The following NFASC variants were observed in gnomAD, a reference collection of about 807,000 sequenced individuals.
The protein encoded by NFASC is neurofascin.
A neutral mutation model predicts 147.5 loss-of-function variants in NFASC; 43 were observed. The ratio of observed to expected loss-of-function variants is 0.29; its 90% CI spans 0.23 to 0.38. The LOEUF (loss-of-function observed/expected upper bound fraction) is 0.38. Ranked by LOEUF, NFASC falls within the 10% of genes least tolerant of loss-of-function variation. NFASC has a pLI of 1.00. For synonymous variants in NFASC, 622 were observed against 665.5 expected (o/e 0.93, Z 1.01); for missense variants, 1,320 against 1,689.0 (o/e 0.78, Z 3.83).
rs192458240 is a variant in NFASC at position 204,907,015 on chromosome 1, G to A, written c.-199-13617G>A. On this transcript the variant is annotated intron_variant, in intron 1 of 29. Transcript: ENST00000339876. ...ATCCCAGGTCATATGGCAACTGTAT[G>A]TGTAACTTTTGAAGAAACTGCCAAA... Among the ~76,000 whole-genome samples the A allele has an allele frequency of 2.9e-3, 447 of 152,298 alleles. 11 individuals are homozygous for A. The highest frequency in any genetic ancestry group is 9.7e-3 in the South Asian group (47 of 4,822).
At chr1:204,976,433 G>C (rs539662795) in intron 15 of NFASC, among the ~76,000 whole-genome samples, 119 of 152,192 alleles carry the variant, frequency 7.8e-4, no homozygotes, top group Non-Finnish European at 1.4e-3. Context: ...GGTGGCAAAC[G>C]TGCTTCACAG....
chr1:205,017,034 A>T lies in NFASC; in HGVS notation c.*495A>T. On this transcript the variant is annotated 3_prime_UTR_variant, in exon 30 of 30. Coordinates refer to ENST00000339876, the MANE Select transcript of NFASC (RefSeq NM_001005388.3). ...AATCCTTTTTGCAAAGATAGGCAAA[A>T]AGGATTGAATCCATACCAGAACACG... 1 of 271,470 alleles carries T rather than the reference A, an allele frequency of 3.7e-6. No individual in the cohort carries two copies. Among genetic ancestry groups the T allele is most frequent in the East Asian group, 8.7e-5 (1 of 11,524 alleles). The allele number at this position is 271,470 out of a possible 1,614,324, so 16.8% of individuals were successfully genotyped here. A position where few individuals can be genotyped will look rare whatever the true frequency, so the allele number is the denominator to read the frequency against.
chr1:204,920,446 T>TC (rs2090212558), intron 1 of NFASC, among the ~76,000 whole-genome samples, 186 bp from the exon 2 acceptor site: 1 of 140,390 alleles, frequency 7.1e-6, no homozygotes, highest in South Asian at 2.3e-4. Context: ...TTTTTTTTTT[T>TC]TCTTCCAGAG....
intron 25 of NFASC, chr1:205,000,728 G>GTATCATTAAAA: frequency 5.3e-6 from 1 of 189,924 alleles, no homozygotes; most frequent in Non-Finnish European, 1.1e-5. Flanking sequence ...TTGGGAGGCT[G>GTATCATTAAAA]AGGCAGGAGA....
At position 204,968,107 on chromosome 1, in the gene NFASC, A is replaced by T. The variant is rs560109760; in HGVS notation, c.707-142A>T. The T allele has an allele frequency of 1.6e-6, 1 of 640,196 alleles. No individual in the cohort carries two copies. The highest frequency in any genetic ancestry group is 2.7e-5 in the East Asian group (1 of 36,724). 39.7% of individuals were successfully genotyped at this position (640,196 alleles called of 1,614,324 possible). A position where few individuals can be genotyped will look rare whatever the true frequency, so the allele number is the denominator to read the frequency against. ...GCTTCCTAACACACCTCACTTAATGATGCCCAAGTCCTTGGGATGGTTTCA... is the reference window on the plus strand; with the variant it reads ...GCTTCCTAACACACCTCACTTAATGTTGCCCAAGTCCTTGGGATGGTTTCA... On this transcript the variant is annotated intron_variant, in intron 8 of 29. Coordinates refer to ENST00000339876, the MANE Select transcript of NFASC (RefSeq NM_001005388.3). This position sits in a 1 kb window ranked among gnomAD's most constrained non-coding sequence, Gnocchi z 5.4.
At chr1:204,936,873 C>T (rs937640803) in intron 2 of NFASC, among the ~76,000 whole-genome samples, 3 of 152,270 alleles carry the variant, frequency 2.0e-5, no homozygotes, top group African/African-American at 7.2e-5. Context: ...TGGACTCTCT[C>T]TCTGACTGTG....
At position 204,968,386 on chromosome 1, in the gene NFASC, C is replaced by T. The variant is rs762361484; in HGVS notation, c.818+26C>T. On this transcript the variant is annotated intron_variant, in intron 9 of 29. Transcript: ENST00000339876. This position sits in a 1 kb window ranked among gnomAD's most constrained non-coding sequence, Gnocchi z 5.4. ...GTATGTGCGGTTTGCAGCCCCTCTT[C>T]TAGCCACCCTCCAGGAGGATGGGGA... The T allele has an allele frequency of 7.1e-6, 11 of 1,547,682 alleles. No individual in the cohort carries two copies. The highest frequency in any genetic ancestry group is 1.4e-5 in the African/African-American group (1 of 73,640).
intron 1 of NFASC, among the ~76,000 whole-genome samples, chr1:204,913,280 T>A (rs945202707): frequency 6.6e-6 from 1 of 152,192 alleles, no homozygotes; most frequent in Non-Finnish European, 1.5e-5. Context: ...AGTTAATTTA[T>A]AATTTTAATA....
chr1:204,862,504 G>T (rs546285024), intron 1 of NFASC, among the ~76,000 whole-genome samples: 1 of 152,352 alleles, frequency 6.6e-6, no homozygotes, highest in African/African-American at 2.4e-5. Flanking sequence ...GATGTGAATG[G>T]TTATTGAATT....
At chr1:204,929,009 C>T (rs1174567034) in intron 2 of NFASC, among the ~76,000 whole-genome samples, 1 of 152,154 alleles carries the variant, frequency 6.6e-6, no homozygotes, top group Non-Finnish European at 1.5e-5. Context: ...TTAATAATAG[C>T]CAAGAGGTTT....
In NFASC at chr1:204,860,551, C is replaced by T. The variant is rs186114808; in HGVS notation, c.-200+31769C>T. Among the ~76,000 whole-genome samples, 3 of 152,322 alleles carry T rather than the reference C, an allele frequency of 2.0e-5. No homozygotes were observed. The East Asian group carries it at 5.8e-4, about 29-fold the overall frequency. Reference sequence around the variant, plus strand: ...GAATTTAGCACAGAAATTCTGCCCACTTCTTTTTTCTTTGGGGAAAAAGGT... The same window carrying T: ...GAATTTAGCACAGAAATTCTGCCCATTTCTTTTTTCTTTGGGGAAAAAGGT... On this transcript the variant is annotated intron_variant, in intron 1 of 29. Transcript: ENST00000339876.
At chr1:204,993,130 C>T (rs555723913) in intron 24 of NFASC, among the ~76,000 whole-genome samples, 16 of 152,182 alleles carry the variant, frequency 1.1e-4, no homozygotes, top group Non-Finnish European at 1.3e-4. Context: ...GCCTGGCGTC[C>T]GGCCCACTGC....
chr1:204,870,546 C>A, intron 1 of NFASC: 1 of 388,320 alleles, frequency 2.6e-6, no homozygotes, highest in Non-Finnish European at 3.6e-6. Flanking sequence ...CTCCCCACCC[C>A]ACCCCCGCCT....
In NFASC at chr1:204,962,021, G is replaced by A. The variant is rs2094698011; in HGVS notation, c.706+4195G>A. On this transcript the variant is annotated intron_variant, in intron 8 of 29. Transcript: ENST00000339876. ...TGCTGCCCTCCTCAGTTGTTTTTCTGGCTTTGCATTTGTTTTCTCTCCCCG... is the reference window on the plus strand; with the variant it reads ...TGCTGCCCTCCTCAGTTGTTTTTCTAGCTTTGCATTTGTTTTCTCTCCCCG... 64 of 1,038,388 alleles carry A rather than the reference G, an allele frequency of 6.2e-5. 2 individuals are homozygous for A. The South Asian group carries it at 8.3e-4, about 13-fold the overall frequency. 64.3% of individuals were successfully genotyped at this position (1,038,388 alleles called of 1,614,324 possible). A position where few individuals can be genotyped will look rare whatever the true frequency, so the allele number is the denominator to read the frequency against.
chr1:204,832,136 T>TCTGTGTGAACAC (rs1672373843), intron 1 of NFASC, among the ~76,000 whole-genome samples: 5 of 136,750 alleles, frequency 3.7e-5, no homozygotes, highest in South Asian at 4.3e-4. Flanking sequence ...GGGGTAATGT[T>TCTGTGTGAACAC]CTGTGTGAAC....
chr1:204,995,554 T>C (rs1308939103), intron 24 of NFASC, among the ~76,000 whole-genome samples: 2 of 152,022 alleles, frequency 1.3e-5, no homozygotes, highest in East Asian at 3.9e-4. Flanking sequence ...GAGTATAGCA[T>C]TGTGAGCTTT....
Position 205,016,091 on chromosome 1 carries a change from T to C in NFASC, c.3492-217T>C, listed in dbSNP as rs1357873597. Among the ~76,000 whole-genome samples the C allele has an allele frequency of 6.6e-6, 1 of 152,204 alleles. No individual in the cohort carries two copies. Among genetic ancestry groups the C allele is most frequent in the Non-Finnish European group, 1.5e-5 (1 of 68,032 alleles). On this transcript the variant is annotated intron_variant, in intron 29 of 29. Coordinates refer to ENST00000339876, the MANE Select transcript of NFASC (RefSeq NM_001005388.3). The surrounding 1 kb of genome is among the most constrained non-coding windows in gnomAD (Gnocchi z 5.1). ...AAAGCATGGGCTCCACTCCCTGCCCTGCCCTGACCTGCAACCTCACCTTAG... is the reference window on the plus strand; with the variant it reads ...AAAGCATGGGCTCCACTCCCTGCCCCGCCCTGACCTGCAACCTCACCTTAG...
chr1:205,016,190 G>A lies in NFASC; in HGVS notation c.3492-118G>A. Reference sequence around the variant, plus strand: ...GCTGGACAGGGGAGGGTGAAGCGGGGGCTGGACTGGGCGGTCTCCTGGATC... The same window carrying A: ...GCTGGACAGGGGAGGGTGAAGCGGGAGCTGGACTGGGCGGTCTCCTGGATC... On this transcript the variant is annotated intron_variant, in intron 29 of 29. Coordinates refer to ENST00000339876, the MANE Select transcript of NFASC (RefSeq NM_001005388.3). The surrounding 1 kb of genome is among the most constrained non-coding windows in gnomAD (Gnocchi z 5.1). The A allele has an allele frequency of 1.4e-6, 1 of 730,666 alleles. No individual in the cohort carries two copies. The highest frequency in any genetic ancestry group is 2.4e-6 in the Non-Finnish European group (1 of 409,592). 45.3% of individuals were successfully genotyped at this position (730,666 alleles called of 1,614,324 possible).
At chr1:204,931,287 G>A (rs1267788104) in intron 2 of NFASC, among the ~76,000 whole-genome samples, 8 of 152,122 alleles carry the variant, frequency 5.3e-5, no homozygotes, top group Admixed American at 3.3e-4. Flanking sequence ...CAGATCTCCC[G>A]TGTACCCACA....
Sources: gnomAD v4.1 joint callset for allele counts (sites outside exome capture counted in the v4.1 genomes callset) on GRCh38, gnomAD v4.1.1 for gene constraint, Gnocchi (gnomAD v3.1) non-coding constraint, MANE v1.5 for transcripts, NCBI Gene and HGNC (gene_info 2026-07-23, HGNC 2026-07-21) for gene names.